The following DCDC2 variants were observed in gnomAD, a reference collection of about 807,000 sequenced individuals.
The protein encoded by DCDC2 is doublecortin domain containing 2, also known as doublecortin domain-containing protein 2.
In DCDC2, 40 loss-of-function variants were observed where a neutral mutation model predicts 50.2. The ratio of observed to expected loss-of-function variants is 0.80; its 90% CI spans 0.62 to 1.04. The LOEUF (loss-of-function observed/expected upper bound fraction) is 1.04, where lower values mean the gene tolerates loss of function less well. Among genes scored for constraint, DCDC2 ranks in the 50% least tolerant of loss-of-function variants. The pLI, the probability that DCDC2 is intolerant of heterozygous loss-of-function variation, is 0.00. For missense variants in DCDC2, 570 were observed against 581.9 expected (o/e 0.98, Z 0.21); for synonymous variants, 234 against 210.6 (o/e 1.11, Z -0.96).
chr6:24,232,028 CATACACACAT>C (rs766745587), intron 7 of DCDC2, among the ~76,000 whole-genome samples: 2 of 133,020 alleles, frequency 1.5e-5, no homozygotes, highest in African/African-American at 2.9e-5. Flanking sequence ...CACACACACA[CATACACACAT>C]ACATACATAT....
chr6:24,248,269 T>A (rs554335477), intron 7 of DCDC2, among the ~76,000 whole-genome samples: 10 of 152,242 alleles, frequency 6.6e-5, no homozygotes, highest in Non-Finnish European at 1.0e-4. Flanking sequence ...CAGGACACCA[T>A]ACGGTGCAGT....
At chr6:24,264,437 T>C (rs1347757688) in intron 7 of DCDC2, among the ~76,000 whole-genome samples, 1 of 115,512 alleles carries the variant, frequency 8.7e-6, no homozygotes, top group African/African-American at 3.2e-5. Flanking sequence ...CAAGACAGTA[T>C]AACAAATTAT....
chr6:24,371,289 A>G, the DCDC2 span, among the ~76,000 whole-genome samples: 277 of 141,272 alleles, frequency 2.0e-3, 2 homozygotes, highest in African/African-American at 6.9e-3. Flanking sequence ...AAAAAAAAAA[A>G]AAAAGAAAAG....
Position 24,318,296 on chromosome 6 carries a change from G to A in DCDC2, c.349-16252C>T, listed in dbSNP as rs147661578. ...GTGCTTAAATATAGCACATCCATAC[G>A]ATGGAGGGCTCTGAAGTTGCAGTAA... On this transcript the variant is annotated intron_variant, in intron 2 of 9. Coordinates refer to ENST00000378454, the MANE Select transcript of DCDC2 (RefSeq NM_016356.5). 4.7e-3 allele frequency among the ~76,000 whole-genome samples: 713 copies of A among 152,112 alleles called. 2 individuals carry two copies. Among genetic ancestry groups the A allele is most frequent in the Non-Finnish European group, 6.9e-3 (469 of 67,932 alleles).
chr6:24,270,978 T>C lies in DCDC2; in HGVS notation c.922+7071A>G, dbSNP rs942991957. Among the ~76,000 whole-genome samples, 11 of 152,012 alleles carry C rather than the reference T, an allele frequency of 7.2e-5. No homozygotes were observed. The South Asian group carries it at 1.0e-3, about 14-fold the overall frequency. On this transcript the variant is annotated intron_variant, in intron 7 of 9. Coordinates refer to ENST00000378454, the MANE Select transcript of DCDC2 (RefSeq NM_016356.5). ...GGCTTACACCTGTAATCCCAGCACATTGGGAGGCCAAGGCAGGCAGATCAC... is the reference window on the plus strand; with the variant it reads ...GGCTTACACCTGTAATCCCAGCACACTGGGAGGCCAAGGCAGGCAGATCAC...
intron 7 of DCDC2, among the ~76,000 whole-genome samples, chr6:24,216,950 G>A (rs73726620): frequency 0.02 from 3,108 of 152,196 alleles, 98 homozygotes; most frequent in African/African-American, 0.066. Context: ...AGGAGGTCAG[G>A]GGCTGCGAGG....
At chr6:24,179,984 G>T (rs1227431703) in intron 8 of DCDC2, among the ~76,000 whole-genome samples, 1 of 151,106 alleles carries the variant, frequency 6.6e-6, no homozygotes, top group African/African-American at 2.4e-5. Context: ...AGGGGTGGGG[G>T]AGGGAACAGG....
At chr6:24,261,204 C>CCT (rs1554114476) in intron 7 of DCDC2, among the ~76,000 whole-genome samples, 3 of 135,750 alleles carry the variant, frequency 2.2e-5, no homozygotes, top group East Asian at 2.2e-4. Context: ...CATTTTCTTG[C>CCT]TTTTTTTTTT....
At chr6:24,201,908 T>G in intron 8 of DCDC2, among the ~76,000 whole-genome samples, 1 of 152,156 alleles carries the variant, frequency 6.6e-6, no homozygotes, top group Non-Finnish European at 1.5e-5. Flanking sequence ...GATAAATTCA[T>G]GGACACATAC....
At chr6:24,339,627 C>T (rs900230676) in intron 2 of DCDC2, among the ~76,000 whole-genome samples, 1 of 152,192 alleles carries the variant, frequency 6.6e-6, no homozygotes, top group Non-Finnish European at 1.5e-5. Flanking sequence ...TCTCCAATTG[C>T]TGCCAACAAA....
chr6:24,351,012 T>C (rs919458999), intron 2 of DCDC2, among the ~76,000 whole-genome samples: 3 of 152,150 alleles, frequency 2.0e-5, no homozygotes, highest in East Asian at 3.8e-4. Context: ...TAGTTTCCCA[T>C]ACTAAAAATC....
chr6:24,361,164 C>T (rs894454835), upstream of DCDC2, among the ~76,000 whole-genome samples: 12 of 151,754 alleles, frequency 7.9e-5, no homozygotes, highest in African/African-American at 2.9e-4. Flanking sequence ...AGTTTTCAAA[C>T]GCAGGAACAA....
At chr6:24,360,194 C>A (rs184191949), upstream of DCDC2, among the ~76,000 whole-genome samples, 4 of 152,350 alleles carry the variant, frequency 2.6e-5, no homozygotes, top group South Asian at 4.1e-4. Flanking sequence ...AGTCAGTGAA[C>A]CAGGCCTGGC....
the DCDC2 span, among the ~76,000 whole-genome samples, chr6:24,377,544 G>C: frequency 6.6e-6 from 1 of 152,080 alleles, no homozygotes; most frequent in Non-Finnish European, 1.5e-5. Flanking sequence ...AAAAAGACTG[G>C]TTGTGTTGTT....
chr6:24,286,950 C>T (rs1040826543), intron 6 of DCDC2, among the ~76,000 whole-genome samples: 4 of 152,110 alleles, frequency 2.6e-5, no homozygotes, highest in African/African-American at 4.8e-5. Context: ...GGCTCCTTTC[C>T]CCTCATACCA....
chr6:24,193,242 T>C (rs1761349837), intron 8 of DCDC2, among the ~76,000 whole-genome samples: 1 of 151,910 alleles, frequency 6.6e-6, no homozygotes, highest in Admixed American at 6.6e-5. Context: ...TGAAGGCAAC[T>C]AGAGGTGAGT....
chr6:24,177,975 T>A (rs1320614354), intron 9 of DCDC2, among the ~76,000 whole-genome samples: 2 of 152,202 alleles, frequency 1.3e-5, no homozygotes, highest in African/African-American at 4.8e-5. Flanking sequence ...GTTTCTACCT[T>A]CTCTGGTCTT....
At chr6:24,302,693 G>A (rs944558244) in intron 2 of DCDC2, among the ~76,000 whole-genome samples, 8 of 152,086 alleles carry the variant, frequency 5.3e-5, no homozygotes, top group South Asian at 2.1e-4. Flanking sequence ...AGAGAACCAC[G>A]GGGCCCCATG....
chr6:24,199,972 T>C (rs183411174), intron 8 of DCDC2, among the ~76,000 whole-genome samples: 2 of 151,796 alleles, frequency 1.3e-5, no homozygotes, highest in Non-Finnish European at 1.5e-5. Context: ...GAAAAAATAA[T>C]GAAAAGGAAC....
Sources: gnomAD v4.1 joint callset for allele counts (sites outside exome capture counted in the v4.1 genomes callset) on GRCh38, gnomAD v4.1.1 for gene constraint, MANE v1.5 for transcripts, NCBI Gene and HGNC (gene_info 2026-07-23, HGNC 2026-07-21) for gene names.